The following NCAM2 variants were observed in gnomAD, a reference collection of about 807,000 sequenced individuals.
NCAM2 encodes the protein N-CAM-2.
In NCAM2, 30 loss-of-function variants were observed where a neutral mutation model predicts 98.1. The observed-to-expected ratio is 0.31, with a 90% CI of 0.23 to 0.41. The LOEUF (loss-of-function observed/expected upper bound fraction) is 0.41. Ranked by LOEUF, NCAM2 falls within the 10% of genes least tolerant of loss-of-function variation. NCAM2 has a pLI of 1.00. For missense variants in NCAM2, 867 were observed against 1,005.8 expected, an observed-to-expected ratio of 0.86 and a Z score of 1.87; for synonymous variants, 368 against 342.4, an observed-to-expected ratio of 1.07 and a Z score of -0.83.
intron 1 of NCAM2, among the ~76,000 whole-genome samples, chr21:21,092,298 G>T (rs2066029399): frequency 1.3e-5 from 2 of 151,930 alleles, no homozygotes; most frequent in Admixed American, 1.3e-4. Flanking sequence ...CTACTCTAAT[G>T]ATTTATGAAT....
intron 11 of NCAM2, among the ~76,000 whole-genome samples, chr21:21,431,046 C>CAAAAAAAAAAAAAAAAAAAAAAAAA (rs34613152): frequency 1.6e-5 from 1 of 64,062 alleles, no homozygotes; most frequent in African/African-American, 6.7e-5. Context: ...AACTCCGTCT[C>CAAAAAAAAAAAAAAAAAAAAAAAAA]AAAAAAAAAA....
chr21:21,241,517 G>A (rs1378005559), intron 1 of NCAM2, among the ~76,000 whole-genome samples: 5 of 152,136 alleles, frequency 3.3e-5, no homozygotes, highest in African/African-American at 1.2e-4. Context: ...ATGTGATGGA[G>A]TTCAGGCTGT....
At chr21:21,430,434 A>ATCTG (rs145646318) in intron 11 of NCAM2, among the ~76,000 whole-genome samples, 5,126 of 140,116 alleles carry the variant, frequency 0.037, 129 homozygotes, top group East Asian at 0.088. Flanking sequence ...ATGAAGAAAT[A>ATCTG]TCTGAGACTG....
chr21:21,165,744 A>T (rs563874907), intron 1 of NCAM2, among the ~76,000 whole-genome samples: 1 of 152,340 alleles, frequency 6.6e-6, no homozygotes, highest in African/African-American at 2.4e-5. Flanking sequence ...ATTTATATTT[A>T]ATCACAGAAC....
intron 1 of NCAM2, among the ~76,000 whole-genome samples, chr21:21,060,956 G>A (rs903964950): frequency 6.6e-6 from 1 of 152,106 alleles, no homozygotes; most frequent in Admixed American, 6.6e-5. Flanking sequence ...AGAAGCCAAG[G>A]AAAGGTGGGC....
At chr21:21,293,513 AGAG>A (rs1480730856) in intron 5 of NCAM2, among the ~76,000 whole-genome samples, 1 of 151,796 alleles carries the variant, frequency 6.6e-6, no homozygotes, top group Admixed American at 6.6e-5. Context: ...CTGGGTCCTT[AGAG>A]GAGATCTAGT....
chr21:21,344,220 GC>G (rs1478455150), intron 8 of NCAM2, among the ~76,000 whole-genome samples: 1 of 152,158 alleles, frequency 6.6e-6, no homozygotes, highest in African/African-American at 2.4e-5. Flanking sequence ...GAGCCCTTGG[GC>G]CCTGAATAAT....
intron 8 of NCAM2, among the ~76,000 whole-genome samples, chr21:21,363,323 T>C (rs1225624386): frequency 1.3e-5 from 2 of 152,140 alleles, no homozygotes; most frequent in East Asian, 3.9e-4. Flanking sequence ...TAGCTTTGTT[T>C]AGATCAGCAT....
intron 1 of NCAM2, among the ~76,000 whole-genome samples, chr21:21,016,376 C>T (rs1263026590): frequency 1.3e-5 from 2 of 152,114 alleles, no homozygotes; most frequent in Non-Finnish European, 2.9e-5. Flanking sequence ...TTACAGTGTA[C>T]CATATTTATG....
chr21:21,464,146 A>G (rs1219487821), intron 12 of NCAM2, among the ~76,000 whole-genome samples: 5 of 152,158 alleles, frequency 3.3e-5, no homozygotes, highest in Admixed American at 6.6e-5. Context: ...GCCATCACCA[A>G]CGCAGCCAAG....
chr21:21,379,764 T>C (rs1190311077), intron 9 of NCAM2, among the ~76,000 whole-genome samples: 1 of 152,060 alleles, frequency 6.6e-6, no homozygotes, highest in Non-Finnish European at 1.5e-5. Context: ...AGGTAAATTA[T>C]GGTATTTGCA....
intron 1 of NCAM2, among the ~76,000 whole-genome samples, chr21:21,016,799 C>T (rs998084588): frequency 6.6e-6 from 1 of 151,898 alleles, no homozygotes. Flanking sequence ...AGTAATTTGC[C>T]GCAGGTCACG....
At chr21:21,421,667 A>G (rs2077113985) in intron 11 of NCAM2, among the ~76,000 whole-genome samples, 1 of 152,194 alleles carries the variant, frequency 6.6e-6, no homozygotes, top group Non-Finnish European at 1.5e-5. Flanking sequence ...AATAAGATGT[A>G]AGACATTTAT....
At chr21:21,500,070 C>T (rs888713949) in intron 15 of NCAM2, among the ~76,000 whole-genome samples, 1 of 152,064 alleles carries the variant, frequency 6.6e-6, no homozygotes, top group African/African-American at 2.4e-5. Context: ...ATACTCAGCT[C>T]TTCTCTAGAT....
intron 1 of NCAM2, among the ~76,000 whole-genome samples, chr21:21,252,419 A>G (rs970848954): frequency 6.6e-6 from 1 of 150,590 alleles, no homozygotes; most frequent in African/African-American, 2.4e-5. Flanking sequence ...TATATAAAAT[A>G]TAATCAATTA....
At chr21:21,442,631 G>T (rs918674764) in intron 12 of NCAM2, among the ~76,000 whole-genome samples, 1 of 152,070 alleles carries the variant, frequency 6.6e-6, no homozygotes, top group Non-Finnish European at 1.5e-5. Flanking sequence ...TTAAAGTCAG[G>T]ATATTGTGAA....
chr21:21,273,890 G>A (rs1276590516), intron 1 of NCAM2, among the ~76,000 whole-genome samples: 3 of 152,182 alleles, frequency 2.0e-5, no homozygotes, highest in Non-Finnish European at 4.4e-5. Flanking sequence ...TTTAGGCCGG[G>A]TGCGTTGGCT....
intron 1 of NCAM2, among the ~76,000 whole-genome samples, chr21:21,205,889 T>C (rs1400405671): frequency 3.9e-5 from 6 of 152,128 alleles, no homozygotes. Flanking sequence ...TAGGTAGCTC[T>C]CTGTGGCTTA....
chr21:21,314,858 A>G (rs149901506), intron 5 of NCAM2, among the ~76,000 whole-genome samples: 1 of 152,252 alleles, frequency 6.6e-6, no homozygotes, highest in East Asian at 1.9e-4. Context: ...CTATATTTCC[A>G]TTTATTTCAC....
Sources: gnomAD v4.1 joint callset for allele counts (sites outside exome capture counted in the v4.1 genomes callset) on GRCh38, gnomAD v4.1.1 for gene constraint, MANE v1.5 for transcripts, NCBI Gene and HGNC (gene_info 2026-07-23, HGNC 2026-07-21) for gene names.